INTS3: variants seen among roughly 807,000 people sequenced by gnomAD.
INTS3 encodes integrator complex subunit 3, also known as SOSS complex subunit A.
Under a neutral mutation model 146.3 loss-of-function variants are expected in INTS3, and 34 were observed. That is an observed-to-expected ratio of 0.23 (90% CI 0.18 to 0.31). The LOEUF (loss-of-function observed/expected upper bound fraction) is 0.31. INTS3 is among the 10% of genes least tolerant of loss of function. The pLI is 1.00. For missense variants in INTS3, 757 were observed against 1,304.2 expected, an observed-to-expected ratio of 0.58 and a Z score of 6.46; for synonymous variants, 475 against 494.9, an observed-to-expected ratio of 0.96 and a Z score of 0.53.
chr1:153,770,721 T>A lies in INTS3; in HGVS notation c.2540T>A (p.Leu847His). The A allele has an allele frequency of 6.2e-7, 1 of 1,613,592 alleles. No individual in the cohort carries two copies. The highest frequency in any genetic ancestry group is 8.5e-7 in the Non-Finnish European group (1 of 1,179,564). Reference sequence around the variant, plus strand: ...GCCCTGTCCTGCCTACTGCTTCAACTCCGAAGAGAAAAGTGAGTTCCACTT... The same window carrying A: ...GCCCTGTCCTGCCTACTGCTTCAACACCGAAGAGAAAAGTGAGTTCCACTT... ...PEALSCLLLQ[L>H]RREKPSEEMV... Residue 847 changes from leucine (L) to histidine (H), a missense_variant, in exon 25 of 30, where the codon CTC becomes CAC. Around this residue, in one of 8 missense-constraint regions of INTS3, gnomAD observed 116 missense variants for 226.5 expected, o/e 0.51. Coordinates refer to ENST00000318967, the MANE Select transcript of INTS3 (RefSeq NM_023015.5).
At position 153,759,512 on chromosome 1, in the gene INTS3, C is replaced by T. The variant is rs1390622249; in HGVS notation, c.1150-14C>T. 1 of 1,585,420 alleles carries T rather than the reference C, an allele frequency of 6.3e-7. No individual in the cohort carries two copies. The highest frequency in any genetic ancestry group is 8.7e-7 in the Non-Finnish European group (1 of 1,153,940). Reference sequence around the variant, plus strand: ...GATGAAACTAGCCCTCTGTTTCTCCCCTCTCTTTTCCAGTCAAATGTCGCT... The same window carrying T: ...GATGAAACTAGCCCTCTGTTTCTCCTCTCTCTTTTCCAGTCAAATGTCGCT... On this transcript the variant is annotated splice_polypyrimidine_tract_variant and intron_variant, in intron 10 of 29. Transcript: ENST00000318967.
intron 3 of INTS3, among the ~76,000 whole-genome samples, chr1:153,746,605 G>A (rs1190432983): frequency 1.3e-5 from 2 of 152,118 alleles, no homozygotes; most frequent in Non-Finnish European, 2.9e-5. Context: ...GTTTCACCGT[G>A]TTAGCCAGGA....
At chr1:153,762,687 C>G in intron 14 of INTS3, 41 bp from the exon 15 acceptor site, 1 of 1,612,000 alleles carries the variant, frequency 6.2e-7, no homozygotes, top group Non-Finnish European at 8.5e-7. Context: ...GTTAGAGGAC[C>G]CAGGAGGCCA....
At chr1:153,758,407 A>G (rs1672241501) in intron 10 of INTS3, among the ~76,000 whole-genome samples, 1 of 152,202 alleles carries the variant, frequency 6.6e-6, no homozygotes, top group Admixed American at 6.5e-5. Flanking sequence ...AGGGCAGCCA[A>G]GGGGTGCTAG....
chr1:153,737,016 C>T (rs932797753), intron 1 of INTS3, among the ~76,000 whole-genome samples: 2 of 152,032 alleles, frequency 1.3e-5, no homozygotes, highest in Non-Finnish European at 2.9e-5. Flanking sequence ...ATCCTCCTAC[C>T]TCAGCCTCCC....
chr1:153,745,110 C>G (rs111556568), intron 3 of INTS3, among the ~76,000 whole-genome samples: 1 of 151,120 alleles, frequency 6.6e-6, no homozygotes, highest in Admixed American at 6.6e-5. Flanking sequence ...GTTGTTGATG[C>G]CATCCTTGCT....
chr1:153,763,844 C>A lies in INTS3; in HGVS notation c.1779C>A (p.Ala593=). 6 of 1,613,892 alleles carry A rather than the reference C, an allele frequency of 3.7e-6. No individual in the cohort carries two copies. The highest frequency in any genetic ancestry group is 2.2e-5 in the East Asian group (1 of 44,886). Residue 593 remains alanine, a synonymous_variant, in exon 17 of 30, where the codon GCC becomes GCA. Coordinates refer to ENST00000318967, the MANE Select transcript of INTS3 (RefSeq NM_023015.5). ...LQLQKGSDTE[A]QCEVMQEIVD... is the part of the protein sequence containing the mutation. ...TTCTGTCCTGCAGTGATACGGAGGC[C>A]CAGTGTGAGGTCATGCAGGAAATTG...
At chr1:153,747,423 A>G in intron 5 of INTS3, 60 bp downstream of exon 5, 1 of 1,265,050 alleles carries the variant, frequency 7.9e-7, no homozygotes. Context: ...CTACATAGAG[A>G]CAATGGAGAA....
chr1:153,753,785 A>G (rs994328647), intron 8 of INTS3: 1 of 150,972 alleles, frequency 6.6e-6, no homozygotes, highest in African/African-American at 2.4e-5. Context: ...CCTCCCAGGT[A>G]GCTAGGATTA....
At chr1:153,767,482 A>G (rs949159779) in intron 20 of INTS3, 192 bp from the exon 21 acceptor site, 3 of 484,406 alleles carry the variant, frequency 6.2e-6, no homozygotes, top group Non-Finnish European at 1.1e-5. Context: ...AAGGATGGAC[A>G]GAAAGAAGAG....
chr1:153,767,722 T>A lies in INTS3; in HGVS notation c.2139T>A (p.Ala713=). 5 of 1,612,124 alleles carry A rather than the reference T, an allele frequency of 3.1e-6. No homozygotes were observed. Among genetic ancestry groups the A allele is most frequent in the Non-Finnish European group, 4.2e-6 (5 of 1,178,862 alleles). ...ACCTGTACGAGTCATTTGCCCAGGC[T>A]ACCCAGCTGGGCGATCTGCACACCT... ...KMNLYESFAQ[A]TQLGDLHTCL... The change falls in exon 21 of 30, where the codon GCT becomes GCA. Residue 713 remains alanine, a synonymous_variant. Transcript: ENST00000318967.
chr1:153,742,478 CTGTG>C lies in INTS3; in HGVS notation c.318+1137_318+1140del, dbSNP rs35008806. Among the ~76,000 whole-genome samples, 711 of 146,892 alleles carry C rather than the reference CTGTG, an allele frequency of 4.8e-3. 1 individual carries two copies. The highest frequency in any genetic ancestry group is 0.011 in the African/African-American group (439 of 39,730). ...TCCTCTTGTGTGGGTTTTTTAATCT[CTGTG>C]TGTGTGTGTGTGTGTGTGTGTGTGT... On this transcript the variant is annotated intron_variant, in intron 3 of 29. Transcript: ENST00000318967.
rs372552403 is a variant in INTS3, at chr1:153,764,072, G to A, written c.1822-46G>A. On this transcript the variant is annotated intron_variant, in intron 17 of 29. Transcript: ENST00000318967. ...AGACTGGGATCGTGGGGGCAGGAGGGCTTGGGTGTAGGTAGTGACTCTCCC... is the reference window on the plus strand; with the variant it reads ...AGACTGGGATCGTGGGGGCAGGAGGACTTGGGTGTAGGTAGTGACTCTCCC... 82 of 1,499,482 alleles carry A rather than the reference G, an allele frequency of 5.5e-5. 1 individual carries two copies. Among genetic ancestry groups the A allele is most frequent in the Non-Finnish European group, 5.9e-5 (63 of 1,075,954 alleles). 92.9% of individuals were successfully genotyped at this position (1,499,482 alleles called of 1,614,324 possible). A position where few individuals can be genotyped will look rare whatever the true frequency, so the allele number is the denominator to read the frequency against.
chr1:153,747,087 A>G lies in INTS3; in HGVS notation c.432+17A>G, dbSNP rs1443720833. On this transcript the variant is annotated intron_variant, in intron 4 of 29. Coordinates refer to ENST00000318967, the MANE Select transcript of INTS3 (RefSeq NM_023015.5). ...CGTACTCAGGTAAGGCCAGAAAGAA[A>G]AGACAAGATCCAGCTCAAAGAGAGA... 1.3e-6 allele frequency: 2 copies of G among 1,557,664 alleles called. No individual in the cohort carries two copies. The highest frequency in any genetic ancestry group is 2.2e-5 in the East Asian group (1 of 44,612).
intron 5 of INTS3, chr1:153,748,317 G>A: frequency 7.1e-6 from 2 of 280,086 alleles, no homozygotes; most frequent in South Asian, 7.9e-5. Flanking sequence ...CTAGACTGCA[G>A]CTGTTGTCAG....
Position 153,741,382 on chromosome 1 carries a change from C to T in INTS3, c.318+14C>T, listed in dbSNP as rs750904570. On this transcript the variant is annotated intron_variant, in intron 3 of 29. Coordinates refer to ENST00000318967, the MANE Select transcript of INTS3 (RefSeq NM_023015.5). The stretch of plus-strand genomic sequence containing the variant: ...CAAGCCCAGAAGGTAAGGCACCCTG[C>T]TCTGGACCCATAAACCCTCCTCATA... 1 of 1,581,166 alleles carries T rather than the reference C, an allele frequency of 6.3e-7. No individual in the cohort carries two copies. The highest frequency in any genetic ancestry group is 2.2e-5 in the East Asian group (1 of 44,752).
rs1570841600 is a variant in INTS3, at chr1:153,740,840, C to A, written c.234+106C>A. 2.0e-5 allele frequency: 18 copies of A among 890,390 alleles called. No individual in the cohort carries two copies. In the East Asian group the frequency reaches 4.1e-4, roughly 20 times the overall value. 55.2% of individuals were successfully genotyped at this position (890,390 alleles called of 1,614,324 possible). A position where few individuals can be genotyped will look rare whatever the true frequency, so the allele number is the denominator to read the frequency against. ...TGGTTGGGGGTAGGGGACTGAAATT[C>A]ATCAAGTCTTGGCTCCCTGAATCAA... On this transcript the variant is annotated intron_variant, in intron 2 of 29. Transcript: ENST00000318967.
In INTS3 at chr1:153,760,361, A is replaced by G; in HGVS notation, c.1288A>G (p.Thr430Ala). 6.2e-7 allele frequency: 1 copy of G among 1,613,480 alleles called. No homozygotes were observed. Among genetic ancestry groups the G allele is most frequent in the South Asian group, 1.1e-5 (1 of 91,044 alleles). The change falls in exon 12 of 30, where the codon ACT (threonine) becomes GCT (alanine). Residue 430 changes from threonine (T) to alanine (A), a missense_variant. Coordinates refer to ENST00000318967, the MANE Select transcript of INTS3 (RefSeq NM_023015.5). ...CTCCATGAAGCCCCACCCAGCCATC[A>G]CTGCCACACTCCTGGACTTCATGTG... ...HHSMKPHPAI[T>A]ATLLDFMCRI... is the part of the protein sequence containing the mutation.
intron 6 of INTS3, among the ~76,000 whole-genome samples, chr1:153,750,476 G>A (rs1671917435): frequency 6.6e-6 from 1 of 152,168 alleles, no homozygotes. Flanking sequence ...TAGGACAGGT[G>A]ACTCATTGTG....
Sources: allele counts gnomAD v4.1 joint callset (sites outside exome capture counted in the v4.1 genomes callset), GRCh38; gene constraint gnomAD v4.1.1; regional missense constraint gnomAD v4.1.1; transcripts MANE v1.5; gene names NCBI Gene and HGNC (gene_info 2026-07-23, HGNC 2026-07-21).